PCDH7: variants seen among roughly 807,000 people sequenced by gnomAD.
The protein encoded by PCDH7 is protocadherin 7.
PCDH7 carries 17 observed loss-of-function variants against 58.9 expected under a neutral mutation model. The ratio of observed to expected loss-of-function variants is 0.29; its 90% CI spans 0.20 to 0.43. PCDH7 has a LOEUF of 0.43. Ranked by LOEUF, PCDH7 falls within the 20% of genes least tolerant of loss-of-function variation. PCDH7 has a pLI of 1.00. For synonymous variants in PCDH7, 664 were observed against 616.4 expected, an observed-to-expected ratio of 1.08 and a Z score of -1.14; for missense variants, 1,274 against 1,441.0, an observed-to-expected ratio of 0.88 and a Z score of 1.88.
intron 1 of PCDH7, among the ~76,000 whole-genome samples, chr4:30,789,432 T>G (rs982470507): frequency 6.6e-6 from 1 of 152,184 alleles, no homozygotes; most frequent in Admixed American, 6.5e-5. Flanking sequence ...AACTCTCTGC[T>G]TTAGAAGAAG....
At chr4:30,738,995 C>G (rs1716691020) in intron 1 of PCDH7, among the ~76,000 whole-genome samples, 1 of 151,714 alleles carries the variant, frequency 6.6e-6, no homozygotes, top group Non-Finnish European at 1.5e-5. Context: ...CACGTTTTAT[C>G]ATGAGACCAA....
At chr4:30,974,145 G>GTTCT (rs148838411) in intron 3 of PCDH7, among the ~76,000 whole-genome samples, 22,255 of 150,790 alleles carry the variant, frequency 0.15, 1,796 homozygotes, top group East Asian at 0.19. Flanking sequence ...TGGTGTTGCA[G>GTTCT]TTCTTTCTTT....
At chr4:30,943,482 T>C (rs1451201213) in intron 2 of PCDH7, among the ~76,000 whole-genome samples, 1 of 152,162 alleles carries the variant, frequency 6.6e-6, no homozygotes, top group Admixed American at 6.6e-5. Flanking sequence ...GAAATGCAGT[T>C]TGAACAAAAT....
intron 3 of PCDH7, among the ~76,000 whole-genome samples, chr4:31,139,954 GTATA>G (rs1720048044): frequency 6.6e-6 from 1 of 152,162 alleles, no homozygotes; most frequent in South Asian, 2.1e-4. Flanking sequence ...CAGCTTGCAT[GTATA>G]TGATGGCACA....
chr4:30,902,564 A>G (rs1431750283), intron 1 of PCDH7, among the ~76,000 whole-genome samples: 1 of 152,182 alleles, frequency 6.6e-6, no homozygotes, highest in East Asian at 1.9e-4. Context: ...TTAATAGGCT[A>G]TAATAAATTT....
intron 1 of PCDH7, among the ~76,000 whole-genome samples, chr4:30,892,929 A>C (rs1447720713): frequency 6.6e-6 from 1 of 152,050 alleles, no homozygotes; most frequent in African/African-American, 2.4e-5. Flanking sequence ...CTGTTTACCT[A>C]GGCCACTTCC....
chr4:30,953,891 A>G (rs1236849370), intron 3 of PCDH7, among the ~76,000 whole-genome samples: 3 of 152,134 alleles, frequency 2.0e-5, no homozygotes, highest in African/African-American at 7.2e-5. Flanking sequence ...CAAGCACAAC[A>G]AAACAAAAAT....
At chr4:30,847,114 T>A (rs116510754) in intron 1 of PCDH7, among the ~76,000 whole-genome samples, 6,311 of 151,960 alleles carry the variant, frequency 0.042, 192 homozygotes, top group Middle Eastern at 0.068. Flanking sequence ...CAGAGTGAGA[T>A]CTTGTCAATA....
chr4:30,968,319 C>CACTATA (rs369540529), intron 3 of PCDH7, among the ~76,000 whole-genome samples: 2 of 82,596 alleles, frequency 2.4e-5, no homozygotes, highest in Admixed American at 1.2e-4. Flanking sequence ...TATATATACA[C>CACTATA]TATATATATA....
chr4:31,056,359 C>A lies in PCDH7; in HGVS notation c.*8-86114C>A, dbSNP rs146332568. On this transcript the variant is annotated intron_variant, in intron 3 of 3. Transcript: ENST00000509759. Reference sequence around the variant, plus strand: ...CTCCAGCATACGTGACAGAGAGAGACCCTGACAGGAAAGGAAGAAAGAAAG... The same window carrying A: ...CTCCAGCATACGTGACAGAGAGAGAACCTGACAGGAAAGGAAGAAAGAAAG... Among the ~76,000 whole-genome samples, 3 of 141,908 alleles carry A rather than the reference C, an allele frequency of 2.1e-5. No individual in the cohort carries two copies. The East Asian group carries it at 6.3e-4, about 30-fold the overall frequency. The allele number at this position is 141,908 out of a possible 152,430, so 93.1% of individuals were successfully genotyped here.
At chr4:31,121,008 A>G (rs141554323) in intron 3 of PCDH7, among the ~76,000 whole-genome samples, 6 of 152,314 alleles carry the variant, frequency 3.9e-5, no homozygotes, top group African/African-American at 1.4e-4. Flanking sequence ...GCCCAAAGCT[A>G]TCCTTACCTT....
intron 1 of PCDH7, chr4:30,725,107 G>A (rs1714423944): frequency 1.0e-6 from 1 of 1,000,118 alleles, no homozygotes; most frequent in Admixed American, 6.1e-5. Flanking sequence ...TGCAGATGTA[G>A]TACTAAGTCT....
At chr4:30,914,787 G>A (rs976460823) in intron 1 of PCDH7, among the ~76,000 whole-genome samples, 1 of 152,240 alleles carries the variant, frequency 6.6e-6, no homozygotes, top group East Asian at 1.9e-4. Context: ...ATGTAAGTTA[G>A]CAAGGGGCAG....
Position 30,723,592 on chromosome 4 carries a change from G to T in PCDH7, c.2170G>T (p.Ala724Ser). The stretch of plus-strand genomic sequence containing the variant: ...GGATGGGGGAGATCCTCCCAGATCT[G>T]CCACAGCTACAGTCTCGCTTTTTGT... The change falls in exon 1 of 2, where the codon GCC becomes TCC. Residue 724 changes from alanine to serine, a missense_variant. Transcript: ENST00000361762. This position sits in a 1 kb window ranked among gnomAD's most constrained non-coding sequence, Gnocchi z 4.6. 1 of 1,614,144 alleles carries T rather than the reference G, an allele frequency of 6.2e-7. No homozygotes were observed. The highest frequency in any genetic ancestry group is 8.5e-7 in the Non-Finnish European group (1 of 1,180,022).
intron 1 of PCDH7, among the ~76,000 whole-genome samples, chr4:30,886,948 G>A (rs1737885307): frequency 7.6e-6 from 1 of 130,896 alleles, no homozygotes; most frequent in African/African-American, 3.0e-5. Flanking sequence ...ACAGGAAGGG[G>A]AACATCACAC....
chr4:30,904,923 A>G (rs1560487218), intron 1 of PCDH7, among the ~76,000 whole-genome samples: 1 of 152,170 alleles, frequency 6.6e-6, no homozygotes, highest in Non-Finnish European at 1.5e-5. Context: ...AGACATTTTA[A>G]TTCATCTTGA....
intron 3 of PCDH7, among the ~76,000 whole-genome samples, chr4:30,994,046 T>A (rs932277167): frequency 6.9e-6 from 1 of 144,370 alleles, no homozygotes; most frequent in Non-Finnish European, 1.5e-5. Flanking sequence ...ATCAATACAG[T>A]TATTTTATGT....
intron 1 of PCDH7, among the ~76,000 whole-genome samples, chr4:30,749,397 G>C (rs764376999): frequency 2.0e-5 from 3 of 152,114 alleles, no homozygotes; most frequent in Non-Finnish European, 4.4e-5. Flanking sequence ...CTTCGTCATG[G>C]TAGTGGGAAG....
intron 3 of PCDH7, among the ~76,000 whole-genome samples, chr4:31,041,263 C>A (rs1040240418): frequency 2.6e-5 from 4 of 152,134 alleles, no homozygotes; most frequent in African/African-American, 9.7e-5. Context: ...TACTGTCTAA[C>A]TGCTTTTAGA....
Sources: gnomAD v4.1 joint callset for allele counts (sites outside exome capture counted in the v4.1 genomes callset) on GRCh38, gnomAD v4.1.1 for gene constraint, Gnocchi (gnomAD v3.1) non-coding constraint, MANE v1.5 for transcripts, NCBI Gene and HGNC (gene_info 2026-07-23, HGNC 2026-07-21) for gene names.